PCDHA5: variants seen among roughly 807,000 people sequenced by gnomAD.
The protein encoded by PCDHA5 is protocadherin alpha-5.
PCDHA5 carries 43 observed loss-of-function variants against 61.6 expected under a neutral mutation model. The ratio of observed to expected loss-of-function variants is 0.70; its 90% CI spans 0.55 to 0.90. The LOEUF is 0.90. Among genes scored for constraint, PCDHA5 ranks in the 40% least tolerant of loss-of-function variants. The probability of loss-of-function intolerance (pLI) is 0.00; values close to 1 mark genes in which losing one functional copy is unlikely to be tolerated. For missense variants in PCDHA5, 1,298 were observed against 1,222.7 expected, an observed-to-expected ratio of 1.06 and a Z score of -0.92; for synonymous variants, 627 against 543.9, an observed-to-expected ratio of 1.15 and a Z score of -2.13.
intron 1 of PCDHA5, among the ~76,000 whole-genome samples, chr5:140,919,389 TG>T (rs2079114384): frequency 6.6e-6 from 1 of 152,242 alleles, no homozygotes; most frequent in African/African-American, 2.4e-5. Context: ...AGTTGGATGT[TG>T]TTTTCCTAAA....
chr5:140,987,709 T>TATG (rs1359366930), intron 3 of PCDHA5, among the ~76,000 whole-genome samples: 1 of 152,190 alleles, frequency 6.6e-6, no homozygotes, highest in Non-Finnish European at 1.5e-5. Flanking sequence ...TTTTTCCAGG[T>TATG]ATGAGTCTAT....
intron 1 of PCDHA5, chr5:140,857,065 A>G (rs782608134): frequency 6.3e-7 from 1 of 1,594,864 alleles, no homozygotes; most frequent in Non-Finnish European, 8.6e-7. Flanking sequence ...TAGTGGAACT[A>G]CTGGATGAAA....
At chr5:140,835,466 G>A (rs1289666864) in intron 1 of PCDHA5, 6 of 1,613,784 alleles carry the variant, frequency 3.7e-6, no homozygotes, top group Non-Finnish European at 5.1e-6. Context: ...CTATTCCAGA[G>A]GACGCCCAAC....
At chr5:140,835,709 C>T (rs2150242768) in intron 1 of PCDHA5, 29 of 1,613,350 alleles carry the variant, frequency 1.8e-5, no homozygotes, top group Middle Eastern at 3.3e-4. Context: ...CTAGCGTGTC[C>T]GTGGAGGTGG....
Position 140,822,183 on chromosome 5 carries a change from A to G in PCDHA5, c.408A>G (p.Glu136=), listed in dbSNP as rs150835917. The G allele has an allele frequency of 1.6e-4, 258 of 1,614,250 alleles. 1 individual carries two copies. The African/African-American group carries it at 3.0e-3, about 19-fold the overall frequency. ...ATCCGCCCAGGTTCTCCAGACAAGA[A>G]CAAAGATTATTCATTTTAGAGTCAA... ...NDNPPRFSRQ[E]QRLFILESRM... The change falls in exon 1 of 4, where the codon GAA becomes GAG. Residue 136 remains glutamate, a synonymous_variant. Coordinates refer to ENST00000529859, the MANE Select transcript of PCDHA5 (RefSeq NM_018908.3).
chr5:141,002,195 A>G (rs2098065094), intron 3 of PCDHA5, among the ~76,000 whole-genome samples: 1 of 152,244 alleles, frequency 6.6e-6, no homozygotes, highest in South Asian at 2.1e-4. Flanking sequence ...CTGGCAAGAT[A>G]GTCCCCGGCT....
chr5:140,857,610 C>T (rs1436552212), intron 1 of PCDHA5: 2 of 1,596,344 alleles, frequency 1.3e-6, no homozygotes, highest in South Asian at 2.2e-5. Flanking sequence ...GCGCTGCAGC[C>T]GCTGGACCAC....
At chr5:140,876,868 G>A in intron 1 of PCDHA5, 7 of 1,614,160 alleles carry the variant, frequency 4.3e-6, no homozygotes, top group Non-Finnish European at 5.9e-6. Context: ...GTTCGTGAAG[G>A]AGAACAACCC....
Position 140,923,348 on chromosome 5 carries a change from G to A in PCDHA5, c.2353-55601G>A, listed in dbSNP as rs376610944. Among the ~76,000 whole-genome samples the A allele has an allele frequency of 2.6e-3, 395 of 152,192 alleles. 2 individuals are homozygous for A. Among genetic ancestry groups the A allele is most frequent in the African/African-American group, 9.2e-3 (384 of 41,538 alleles). ...CAAGGACAGTTTGGGCAACATAGTG[G>A]GACCCTATCTTTATAAAATATTTTT... is the stretch of plus-strand genomic sequence containing the variant. On this transcript the variant is annotated intron_variant, in intron 1 of 3. Coordinates refer to ENST00000529859, the MANE Select transcript of PCDHA5 (RefSeq NM_018908.3).
chr5:140,838,509 T>C (rs1297577022), intron 1 of PCDHA5, among the ~76,000 whole-genome samples: 1 of 151,988 alleles, frequency 6.6e-6, no homozygotes, highest in Non-Finnish European at 1.5e-5. Context: ...TTTTTAAAAG[T>C]ATTTGCATCT....
intron 1 of PCDHA5, among the ~76,000 whole-genome samples, chr5:140,903,368 A>G (rs1554190936): frequency 6.6e-6 from 1 of 152,234 alleles, no homozygotes; most frequent in Non-Finnish European, 1.5e-5. Flanking sequence ...TCAAAAATAT[A>G]GGGAGGATTG....
chr5:140,968,328 A>AT (rs1554230627), intron 1 of PCDHA5: 1 of 1,614,076 alleles, frequency 6.2e-7, no homozygotes, highest in South Asian at 1.1e-5. Flanking sequence ...GTCACCTCCT[A>AT]TGTCTCCATT....
At chr5:140,927,568 A>T in intron 1 of PCDHA5, 1 of 1,614,174 alleles carries the variant, frequency 6.2e-7, no homozygotes, top group Non-Finnish European at 8.5e-7. Flanking sequence ...TGTGGTGGAC[A>T]CAAATGACAA....
chr5:140,998,158 T>C (rs1306702034), intron 3 of PCDHA5, among the ~76,000 whole-genome samples: 1 of 152,232 alleles, frequency 6.6e-6, no homozygotes, highest in Non-Finnish European at 1.5e-5. Context: ...AGTTAAGCCA[T>C]GTGCCAAGTA....
At chr5:140,892,707 G>A (rs958500270) in intron 1 of PCDHA5, among the ~76,000 whole-genome samples, 1 of 152,136 alleles carries the variant, frequency 6.6e-6, no homozygotes, top group African/African-American at 2.4e-5. Flanking sequence ...AGGGTAATTA[G>A]CATATTCATA....
At chr5:140,884,607 T>C (rs1554181780) in intron 1 of PCDHA5, 1 of 1,614,044 alleles carries the variant, frequency 6.2e-7, no homozygotes, top group Non-Finnish European at 8.5e-7. Flanking sequence ...CCTCCTTGTC[T>C]GGGTTCTGCA....
chr5:140,995,449 A>G (rs1279825778), intron 3 of PCDHA5, among the ~76,000 whole-genome samples: 18 of 152,120 alleles, frequency 1.2e-4, no homozygotes, highest in African/African-American at 3.9e-4. Flanking sequence ...AAACTTATGA[A>G]TTGTTTATTT....
chr5:140,993,463 CACACA>C (rs1563592057), intron 3 of PCDHA5, among the ~76,000 whole-genome samples: 16 of 7,580 alleles, frequency 2.1e-3, no homozygotes, highest in African/African-American at 9.9e-3. Flanking sequence ...CTTTCTTTCT[CACACA>C]CACACACACA....
intron 1 of PCDHA5, among the ~76,000 whole-genome samples, chr5:140,892,933 T>C (rs1323780846): frequency 6.6e-6 from 1 of 152,210 alleles, no homozygotes; most frequent in Non-Finnish European, 1.5e-5. Context: ...CAGCCTCTGA[T>C]AAGCACAATA....
Sources: gnomAD v4.1 joint callset for allele counts (sites outside exome capture counted in the v4.1 genomes callset) on GRCh38, gnomAD v4.1.1 for gene constraint, MANE v1.5 for transcripts, NCBI Gene and HGNC (gene_info 2026-07-23, HGNC 2026-07-21) for gene names.